The following EYA1 variants were observed in gnomAD, a reference collection of about 807,000 sequenced individuals.
EYA1 encodes the protein protein phosphatase EYA1.
EYA1 carries 16 observed loss-of-function variants against 82.0 expected under a neutral mutation model. That is an observed-to-expected ratio of 0.20 (90% CI 0.13 to 0.30). EYA1 has a LOEUF of 0.30. EYA1 is among the 10% of genes least tolerant of loss of function. The probability of loss-of-function intolerance (pLI) is 1.00; values close to 1 mark genes in which losing one functional copy is unlikely to be tolerated. For synonymous variants in EYA1, 261 were observed against 264.4 expected (o/e 0.99, Z 0.12); for missense variants, 633 against 730.7 (o/e 0.87, Z 1.54).
intron 2 of EYA1, among the ~76,000 whole-genome samples, chr8:71,455,525 C>A (rs1015393992): frequency 2.0e-5 from 3 of 152,258 alleles, no homozygotes; most frequent in Non-Finnish European, 4.4e-5. Context: ...TACTGGGGAA[C>A]CGAATCCAGC....
At chr8:71,397,822 T>G (rs910263464) in intron 2 of EYA1, among the ~76,000 whole-genome samples, 1 of 152,170 alleles carries the variant, frequency 6.6e-6, no homozygotes, top group Non-Finnish European at 1.5e-5. Context: ...TTTCCTGAAT[T>G]TGAATGTTGG....
At chr8:71,392,011 T>C (rs1450533603) in intron 2 of EYA1, among the ~76,000 whole-genome samples, 1 of 151,490 alleles carries the variant, frequency 6.6e-6, no homozygotes, top group African/African-American at 2.4e-5. Context: ...CTGCAGCTCC[T>C]TGACTGGGGC....
intron 11 of EYA1, among the ~76,000 whole-genome samples, chr8:71,259,156 AC>A (rs1437234958): frequency 2.0e-5 from 3 of 152,144 alleles, no homozygotes; most frequent in Non-Finnish European, 4.4e-5. Context: ...TACCTTTTTT[AC>A]CCTGAACTCT....
intron 3 of EYA1, among the ~76,000 whole-genome samples, chr8:71,340,739 T>G (rs530058999): frequency 3.3e-5 from 5 of 152,322 alleles, no homozygotes; most frequent in African/African-American, 1.2e-4. Flanking sequence ...AACTGCTTCA[T>G]GACCTAAAAT....
intron 7 of EYA1, among the ~76,000 whole-genome samples, chr8:71,307,308 T>C (rs1367912667): frequency 6.6e-6 from 1 of 152,138 alleles, no homozygotes; most frequent in African/African-American, 2.4e-5. Context: ...TTTGCTGGGA[T>C]TTTTTTATTT....
chr8:71,233,391 C>T (rs1456563345), intron 12 of EYA1, among the ~76,000 whole-genome samples: 11 of 151,862 alleles, frequency 7.2e-5, no homozygotes, highest in South Asian at 2.1e-4. Context: ...AGTGAAACCC[C>T]GTCTCTACTA....
In EYA1 at chr8:71,379,314, G is replaced by T. The variant is rs377732430; in HGVS notation, c.34-22803C>A. Among the ~76,000 whole-genome samples, 23 of 152,026 alleles carry T rather than the reference G, an allele frequency of 1.5e-4. No individual in the cohort carries two copies. The East Asian group carries it at 2.9e-3, about 19-fold the overall frequency. ...AGCTGGATGAATACATCTCTACAGG[G>T]GCCACAGAGAACACCCAGCACAGCA... On this transcript the variant is annotated intron_variant, in intron 2 of 18. Coordinates refer to the EYA1 transcript ENST00000643681.
chr8:71,374,898 A>T (rs1392618344), intron 2 of EYA1, among the ~76,000 whole-genome samples: 1 of 152,224 alleles, frequency 6.6e-6, no homozygotes, highest in Non-Finnish European at 1.5e-5. Context: ...ACACAGAAAG[A>T]TAACTACTGC....
At chr8:71,352,770 G>A (rs1039851345) in intron 3 of EYA1, among the ~76,000 whole-genome samples, 1 of 152,150 alleles carries the variant, frequency 6.6e-6, no homozygotes, top group Non-Finnish European at 1.5e-5. Flanking sequence ...AAATATGAAT[G>A]TGATATCAAG....
In EYA1 at chr8:71,448,025, T is replaced by TTTTTTTTTTAGGTAACGGAG. The variant is rs935912194; in HGVS notation, c.33+87718_33+87719insCTCCGTTACCTAAAAAAAAA. 5.1e-5 allele frequency among the ~76,000 whole-genome samples: 6 copies of TTTTTTTTTTAGGTAACGGAG among 116,730 alleles called. 1 individual carries two copies. The highest frequency in any genetic ancestry group is 2.0e-4 in the Admixed American group (2 of 9,778). The allele number at this position is 116,730 out of a possible 152,430, so 76.6% of individuals were successfully genotyped here. On this transcript the variant is annotated intron_variant, in intron 2 of 18. Transcript: ENST00000643681. ...GTTTAAGAGCTTTTTTTTTTTTTTTTTCTCGCTCCGTTGCCCAGGCTGCAG... is the reference window on the plus strand; with the variant it reads ...GTTTAAGAGCTTTTTTTTTTTTTTTTTTTTTTTTTAGGTAACGGAGTCTCGCTCCGTTGCCCAGGCTGCAG...
intron 1 of EYA1, among the ~76,000 whole-genome samples, chr8:71,545,406 G>A (rs1815471806): frequency 6.6e-6 from 1 of 152,014 alleles, no homozygotes; most frequent in Non-Finnish European, 1.5e-5. Context: ...ACACTTTCAG[G>A]CATTGCATTT....
intron 9 of EYA1, among the ~76,000 whole-genome samples, 162 bp downstream of exon 9, chr8:71,298,881 AAAAT>A (rs1195618953): frequency 1.3e-5 from 2 of 152,358 alleles, no homozygotes; most frequent in Non-Finnish European, 2.9e-5. Context: ...AGCAAATAAA[AAAAT>A]AAATAAAAAT....
At chr8:71,220,028 GA>G (rs1809698395) in intron 12 of EYA1, among the ~76,000 whole-genome samples, 2 of 152,174 alleles carry the variant, frequency 1.3e-5, no homozygotes, top group Non-Finnish European at 2.9e-5. Flanking sequence ...GGCTTAGGCA[GA>G]AGGGGCTCTG....
intron 2 of EYA1, among the ~76,000 whole-genome samples, chr8:71,510,562 G>A (rs554123280): frequency 1.1e-4 from 16 of 152,248 alleles, no homozygotes; most frequent in Non-Finnish European, 2.2e-4. Flanking sequence ...AGTGCCGAGC[G>A]AAGGAGAAAG....
chr8:71,483,569 A>AC (rs5892281), intron 2 of EYA1, among the ~76,000 whole-genome samples: 2 of 151,432 alleles, frequency 1.3e-5, no homozygotes, highest in African/African-American at 4.9e-5. Flanking sequence ...CAAAAAAAAA[A>AC]CACCACATTT....
At chr8:71,219,560 C>A (rs1809628967) in intron 12 of EYA1, among the ~76,000 whole-genome samples, 4 of 152,148 alleles carry the variant, frequency 2.6e-5, no homozygotes, top group Admixed American at 2.6e-4. Flanking sequence ...GGTTCATTAT[C>A]TGTGTCTTTG....
chr8:71,328,628 T>C (rs1823441170), intron 4 of EYA1, among the ~76,000 whole-genome samples: 1 of 152,204 alleles, frequency 6.6e-6, no homozygotes, highest in Admixed American at 6.5e-5. Flanking sequence ...CATTGTTGCT[T>C]CTTCCAAACC....
At chr8:71,289,525 T>C (rs186001447) in intron 9 of EYA1, among the ~76,000 whole-genome samples, 1 of 152,344 alleles carries the variant, frequency 6.6e-6, no homozygotes, top group Admixed American at 6.5e-5. Context: ...TGTTTACATT[T>C]TCATTTTTCT....
intron 2 of EYA1, among the ~76,000 whole-genome samples, chr8:71,445,577 T>C (rs1806811339): frequency 6.6e-6 from 1 of 152,216 alleles, no homozygotes; most frequent in Non-Finnish European, 1.5e-5. Context: ...ACTTTCTATA[T>C]GTGTATTTCA....
Sources: gnomAD v4.1 joint callset for allele counts (sites outside exome capture counted in the v4.1 genomes callset) on GRCh38, gnomAD v4.1.1 for gene constraint, MANE v1.5 for transcripts, NCBI Gene and HGNC (gene_info 2026-07-23, HGNC 2026-07-21) for gene names.